FOXP1: variants seen among roughly 807,000 people sequenced by gnomAD.
FOXP1 encodes forkhead box protein P1.
In FOXP1, 15 loss-of-function variants were observed where a neutral mutation model predicts 98.2. The ratio of observed to expected loss-of-function variants is 0.15; its 90% CI spans 0.10 to 0.24. The LOEUF (loss-of-function observed/expected upper bound fraction) is 0.24. Among genes scored for constraint, FOXP1 ranks in the 10% least tolerant of loss-of-function variants. The pLI is 1.00. For synonymous variants in FOXP1, 371 were observed against 314.5 expected, an observed-to-expected ratio of 1.18 and a Z score of -1.90; for missense variants, 633 against 848.5, an observed-to-expected ratio of 0.75 and a Z score of 3.15.
At chr3:71,310,020 A>G (rs1323882898) in intron 4 of FOXP1, among the ~76,000 whole-genome samples, 1 of 152,198 alleles carries the variant, frequency 6.6e-6, no homozygotes, top group Admixed American at 6.5e-5. Flanking sequence ...GACTGCACTA[A>G]TTTTTAATTA....
At chr3:71,157,142 T>C (rs2060864744) in intron 6 of FOXP1, among the ~76,000 whole-genome samples, 1 of 152,188 alleles carries the variant, frequency 6.6e-6, no homozygotes, top group Admixed American at 6.5e-5. Flanking sequence ...GGATCTAACC[T>C]TGGCGGCAAA....
chr3:71,401,691 C>G (rs1414820016), intron 3 of FOXP1, among the ~76,000 whole-genome samples: 1 of 152,218 alleles, frequency 6.6e-6, no homozygotes, highest in Admixed American at 6.5e-5. Flanking sequence ...GGAACTGTCT[C>G]TGCTCTAGTG....
rs1409398355 is a variant in FOXP1, at chr3:71,091,930, G to A, written c.282+20606C>T. 2.6e-5 allele frequency among the ~76,000 whole-genome samples: 4 copies of A among 152,304 alleles called. No individual in the cohort carries two copies. The East Asian group carries it at 7.7e-4, about 29-fold the overall frequency. ...AGGCTGAGTGCCATGACTCACGCCT[G>A]TAATTCCAGCACTTTGGGAGGCCGA... On this transcript the variant is annotated intron_variant, in intron 7 of 20. Transcript: ENST00000649528.
chr3:71,055,325 T>C (rs956933400), intron 7 of FOXP1, among the ~76,000 whole-genome samples: 10 of 152,180 alleles, frequency 6.6e-5, no homozygotes, highest in Middle Eastern at 3.2e-3. Context: ...TGTCGTGTGT[T>C]TGGAAAACAC....
intron 6 of FOXP1, among the ~76,000 whole-genome samples, chr3:71,174,664 C>T (rs2061825341): frequency 6.6e-6 from 1 of 152,034 alleles, no homozygotes; most frequent in South Asian, 2.1e-4. Context: ...TTTATTCTGT[C>T]TGAGCTTAGT....
intron 3 of FOXP1, among the ~76,000 whole-genome samples, chr3:71,435,986 A>G (rs187436964): frequency 8.3e-5 from 9 of 108,796 alleles, no homozygotes; most frequent in African/African-American, 1.8e-4. Context: ...GAAGGAGGGA[A>G]GGAGGGAGGG....
At chr3:71,414,157 C>T (rs544746490) in intron 3 of FOXP1, among the ~76,000 whole-genome samples, 2 of 151,908 alleles carry the variant, frequency 1.3e-5, no homozygotes, top group African/African-American at 2.4e-5. Flanking sequence ...ATCAGGTTCA[C>T]GATTTTTCAG....
At chr3:71,079,165 T>C (rs183970136) in intron 7 of FOXP1, among the ~76,000 whole-genome samples, 1 of 152,294 alleles carries the variant, frequency 6.6e-6, no homozygotes, top group East Asian at 1.9e-4. Flanking sequence ...ATGAGCATGG[T>C]GGGACAGGTG....
chr3:71,071,676 C>G (rs965839440), intron 7 of FOXP1, among the ~76,000 whole-genome samples: 1 of 152,096 alleles, frequency 6.6e-6, no homozygotes, highest in Non-Finnish European at 1.5e-5. Flanking sequence ...TGTGTTCAAG[C>G]GATTATCCTG....
intron 5 of FOXP1, among the ~76,000 whole-genome samples, chr3:71,226,192 A>G (rs1422913664): frequency 6.6e-6 from 1 of 152,202 alleles, no homozygotes; most frequent in Non-Finnish European, 1.5e-5. Context: ...AATTACATCA[A>G]TTGAATCTTC....
At chr3:71,339,880 A>G (rs2076914308) in intron 4 of FOXP1, among the ~76,000 whole-genome samples, 1 of 152,242 alleles carries the variant, frequency 6.6e-6, no homozygotes, top group Non-Finnish European at 1.5e-5. Flanking sequence ...AAATGACAAG[A>G]AAAGAAAATG....
intron 3 of FOXP1, among the ~76,000 whole-genome samples, chr3:71,476,023 C>G (rs549703457): frequency 3.0e-4 from 46 of 151,814 alleles, no homozygotes; most frequent in African/African-American, 1.1e-3. Context: ...ATGAAATGCA[C>G]AAGTCTACAT....
intron 13 of FOXP1, among the ~76,000 whole-genome samples, chr3:70,992,269 C>T (rs759257246): frequency 3.9e-5 from 6 of 152,272 alleles, no homozygotes; most frequent in Middle Eastern, 6.8e-3. Context: ...TGGCTGTATA[C>T]GTTTCCTCAG....
chr3:71,170,959 T>C (rs1309964452), intron 6 of FOXP1, among the ~76,000 whole-genome samples: 6 of 152,216 alleles, frequency 3.9e-5, no homozygotes, highest in African/African-American at 1.4e-4. Context: ...TTATAATATC[T>C]GTACTTTAAC....
intron 3 of FOXP1, among the ~76,000 whole-genome samples, chr3:71,393,301 C>A (rs531196501): frequency 6.6e-6 from 1 of 151,676 alleles, no homozygotes; most frequent in South Asian, 2.1e-4. Context: ...TTATTATAAT[C>A]AAAAATTGAT....
chr3:71,296,616 A>G (rs985454460), intron 5 of FOXP1: 2 of 152,216 alleles, frequency 1.3e-5, no homozygotes, highest in Non-Finnish European at 2.9e-5. Context: ...AAGAAAAAAA[A>G]AAGTGTTAAG....
intron 6 of FOXP1, among the ~76,000 whole-genome samples, chr3:71,177,353 A>C (rs769305652): frequency 6.6e-6 from 1 of 152,252 alleles, no homozygotes; most frequent in East Asian, 1.9e-4. Flanking sequence ...GCTGCTGTCT[A>C]TGGGAATACT....
chr3:71,558,769 T>C (rs1160942414), intron 2 of FOXP1, among the ~76,000 whole-genome samples: 6 of 148,952 alleles, frequency 4.0e-5, no homozygotes, highest in Admixed American at 2.7e-4. Flanking sequence ...CTGGGAATCA[T>C]AGGCATGAGC....
intron 4 of FOXP1, among the ~76,000 whole-genome samples, chr3:71,345,699 A>C (rs1385387281): frequency 3.9e-5 from 6 of 152,082 alleles, no homozygotes; most frequent in African/African-American, 1.4e-4. Flanking sequence ...AGAAAAGCAA[A>C]GTTTTGCTGT....
Sources: allele counts gnomAD v4.1 joint callset (sites outside exome capture counted in the v4.1 genomes callset), GRCh38; gene constraint gnomAD v4.1.1; transcripts MANE v1.5; gene names NCBI Gene and HGNC (gene_info 2026-07-23, HGNC 2026-07-21).